AIG1: variants seen among roughly 807,000 people sequenced by gnomAD.
AIG1 encodes androgen-induced gene 1 protein.
Under a neutral mutation model 31.4 loss-of-function variants are expected in AIG1, and 23 were observed. The ratio of observed to expected loss-of-function variants is 0.73; its 90% CI spans 0.53 to 1.04. The LOEUF (loss-of-function observed/expected upper bound fraction) is 1.04. Ranked by LOEUF, AIG1 falls within the 50% of genes least tolerant of loss-of-function variation. The pLI, the probability that AIG1 is intolerant of heterozygous loss-of-function variation, is 0.00. For missense variants in AIG1, 274 were observed against 295.0 expected (o/e 0.93, Z 0.52); for synonymous variants, 100 against 110.5 (o/e 0.90, Z 0.60).
At position 143,331,100 on chromosome 6, in the gene AIG1, C is replaced by G. The variant is rs1777034968; in HGVS notation, c.516-2182C>G. ...GCTGTAAGATTGTTCCTCAATCTTT[C>G]TTTCATTACTACTTCCCTCTACCAA... On this transcript the variant is annotated intron_variant, in intron 4 of 5. Coordinates refer to ENST00000357847, the MANE Select transcript of AIG1 (RefSeq NM_016108.4). The surrounding 1 kb of genome is among the most constrained non-coding windows in gnomAD (Gnocchi z 4.1). 6.6e-6 allele frequency among the ~76,000 whole-genome samples: 1 copy of G among 151,630 alleles called. No individual in the cohort carries two copies. Among genetic ancestry groups the G allele is most frequent in the Admixed American group, 6.6e-5 (1 of 15,220 alleles).
chr6:143,083,936 G>A (rs957136047), intron 1 of AIG1, among the ~76,000 whole-genome samples: 2 of 152,164 alleles, frequency 1.3e-5, no homozygotes, highest in African/African-American at 4.8e-5. Flanking sequence ...TCTAACAAAG[G>A]AGTGGGGCTT....
chr6:143,141,923 CAAAT>C (rs888012105), intron 2 of AIG1, among the ~76,000 whole-genome samples: 5 of 151,184 alleles, frequency 3.3e-5, no homozygotes, highest in African/African-American at 9.7e-5. Flanking sequence ...GCAGAAACAG[CAAAT>C]AAATAAATAA....
chr6:143,212,019 G>A (rs987430028), intron 3 of AIG1, among the ~76,000 whole-genome samples: 1 of 152,058 alleles, frequency 6.6e-6, no homozygotes, highest in African/African-American at 2.4e-5. Context: ...GACTATTTGG[G>A]ACCGGATAAT....
At chr6:143,067,718 A>C (rs1037160286) in intron 1 of AIG1, among the ~76,000 whole-genome samples, 2 of 152,208 alleles carry the variant, frequency 1.3e-5, no homozygotes, top group Non-Finnish European at 2.9e-5. Flanking sequence ...TAACTATGGT[A>C]CTTAGTTTTG....
At chr6:143,078,596 A>T (rs1197372581) in intron 1 of AIG1, among the ~76,000 whole-genome samples, 2 of 152,218 alleles carry the variant, frequency 1.3e-5, no homozygotes, top group Non-Finnish European at 2.9e-5. Flanking sequence ...GGCAAAAGGC[A>T]TGTCTTACAT....
intron 3 of AIG1, chr6:143,188,141 G>A (rs1789441042): frequency 3.0e-6 from 3 of 1,003,332 alleles, no homozygotes; most frequent in Middle Eastern, 5.1e-4. Context: ...TGAGGATGAA[G>A]TTAATGGATA....
At chr6:143,190,017 C>G (rs1238296882) in intron 3 of AIG1, 1 of 457,720 alleles carries the variant, frequency 2.2e-6, no homozygotes, top group African/African-American at 2.1e-5. Context: ...GTGGAAGGAA[C>G]AAGTAATCTC....
chr6:143,128,186 A>G (rs930125086), intron 1 of AIG1, among the ~76,000 whole-genome samples: 2 of 152,190 alleles, frequency 1.3e-5, no homozygotes, highest in Non-Finnish European at 2.9e-5. Context: ...ATCAAAACCA[A>G]TTGTGCATTT....
chr6:143,186,592 C>G (rs1054968317), intron 3 of AIG1: 1 of 152,208 alleles, frequency 6.6e-6, no homozygotes, highest in East Asian at 1.9e-4. Context: ...AGTAAACATT[C>G]CTTCTGATAC....
chr6:143,236,741 G>A (rs1287686175), intron 3 of AIG1, among the ~76,000 whole-genome samples: 2 of 152,038 alleles, frequency 1.3e-5, no homozygotes, highest in East Asian at 1.9e-4. Flanking sequence ...ACCAAAAAAC[G>A]CCACCCCCCA....
intron 3 of AIG1, among the ~76,000 whole-genome samples, chr6:143,205,689 G>A (rs1383208381): frequency 6.6e-6 from 1 of 152,210 alleles, no homozygotes; most frequent in African/African-American, 2.4e-5. Flanking sequence ...TGTGGATTTT[G>A]CAGTTGTTTT....
At chr6:143,122,605 C>T (rs1001606987) in intron 1 of AIG1, among the ~76,000 whole-genome samples, 6 of 152,010 alleles carry the variant, frequency 3.9e-5, no homozygotes, top group African/African-American at 7.3e-5. Context: ...TCTTTCTATT[C>T]GATTCTAATT....
intron 4 of AIG1, among the ~76,000 whole-genome samples, chr6:143,332,868 G>A (rs897675857): frequency 6.6e-6 from 1 of 152,294 alleles, no homozygotes; most frequent in East Asian, 1.9e-4. Context: ...ATGAGACTGC[G>A]GAGATGTGAA....
chr6:143,252,183 G>A (rs1038990074), intron 3 of AIG1, among the ~76,000 whole-genome samples: 6 of 152,110 alleles, frequency 3.9e-5, no homozygotes, highest in Non-Finnish European at 7.4e-5. Flanking sequence ...GCAATGGCAC[G>A]ATCTCAGCTC....
chr6:143,082,656 A>C (rs1220595690), intron 1 of AIG1, among the ~76,000 whole-genome samples: 1 of 152,138 alleles, frequency 6.6e-6, no homozygotes, highest in Non-Finnish European at 1.5e-5. Context: ...ACTACCCGTA[A>C]ACAGTGAGGC....
intron 4 of AIG1, among the ~76,000 whole-genome samples, chr6:143,296,397 C>T (rs1798430546): frequency 6.6e-6 from 1 of 152,132 alleles, no homozygotes. Context: ...CCGAGGGGTG[C>T]CTTCTTGGTG....
intron 4 of AIG1, among the ~76,000 whole-genome samples, chr6:143,324,982 A>AT (rs1185705456): frequency 1.3e-4 from 20 of 152,264 alleles, no homozygotes; most frequent in Non-Finnish European, 2.4e-4. Context: ...TGACAATGTC[A>AT]TTTTTTCAAC....
intron 3 of AIG1, among the ~76,000 whole-genome samples, chr6:143,170,114 G>C (rs1787347419): frequency 6.6e-6 from 1 of 152,062 alleles, no homozygotes. Context: ...AATGAGTTAG[G>C]AATAATGCCC....
chr6:143,227,682 A>C (rs1290676061), intron 3 of AIG1, among the ~76,000 whole-genome samples: 1 of 152,124 alleles, frequency 6.6e-6, no homozygotes, highest in Non-Finnish European at 1.5e-5. Context: ...GGGTTCTTTC[A>C]ACAGGGTTCT....
Sources: allele counts gnomAD v4.1 joint callset (sites outside exome capture counted in the v4.1 genomes callset), GRCh38; gene constraint gnomAD v4.1.1; non-coding constraint Gnocchi (gnomAD v3.1); transcripts MANE v1.5; gene names NCBI Gene and HGNC (gene_info 2026-07-23, HGNC 2026-07-21).